The following CA13 variants were observed in gnomAD, a reference collection of about 807,000 sequenced individuals.
The protein encoded by CA13 is carbonic anhydrase 13, also known as CA-XIII.
CA13 carries 21 observed loss-of-function variants against 31.5 expected under a neutral mutation model. The observed-to-expected ratio is 0.67, with a 90% CI of 0.47 to 0.96. The LOEUF (loss-of-function observed/expected upper bound fraction) is 0.96. CA13 is among the 40% of genes least tolerant of loss of function. The probability of loss-of-function intolerance (pLI) is 0.00; values close to 1 mark genes in which losing one functional copy is unlikely to be tolerated. For missense variants in CA13, 315 were observed against 318.9 expected, an observed-to-expected ratio of 0.99 and a Z score of 0.09; for synonymous variants, 117 against 111.4, an observed-to-expected ratio of 1.05 and a Z score of -0.32.
chr8:85,279,514 T>C (rs555415608), intron 6 of CA13, among the ~76,000 whole-genome samples: 28 of 152,230 alleles, frequency 1.8e-4, no homozygotes, highest in African/African-American at 6.5e-4. Flanking sequence ...CACAGGCTGG[T>C]CGGAGAAAGA....
At chr8:85,252,223 C>T (rs148776883) in intron 2 of CA13, among the ~76,000 whole-genome samples, 261 of 152,026 alleles carry the variant, frequency 1.7e-3, no homozygotes, top group Non-Finnish European at 2.9e-3. Context: ...TGCCACTGTA[C>T]TCAGCCTGGG....
intron 2 of CA13, 73 bp from the exon 3 acceptor site, chr8:85,259,348 G>A (rs1000104442): frequency 3.4e-6 from 4 of 1,169,326 alleles, no homozygotes; most frequent in South Asian, 1.2e-5. Context: ...GTAATTCAGG[G>A]AGATGTTGTG....
intron 6 of CA13, among the ~76,000 whole-genome samples, chr8:85,277,170 TG>T (rs1807624261): frequency 6.6e-6 from 1 of 152,168 alleles, no homozygotes; most frequent in Non-Finnish European, 1.5e-5. Flanking sequence ...TTCCACACCG[TG>T]GAAGCTCTGT....
chr8:85,281,289 G>A lies in CA13; in HGVS notation c.729G>A (p.Val243=). The change falls in exon 7 of 7, where the codon GTG becomes GTA. Residue 243 remains valine (V), a synonymous_variant. Coordinates refer to ENST00000321764, the MANE Select transcript of CA13 (RefSeq NM_198584.3). ...TAEGEAAAFL[V]SNHRPPQPLK... ...AGGGTGAAGCAGCAGCTTTTCTGGT[G>A]AGCAATCACCGCCCACCACAGCCTC... 7 of 1,614,010 alleles carry A rather than the reference G, an allele frequency of 4.3e-6. No homozygotes were observed. Among genetic ancestry groups the A allele is most frequent in the Non-Finnish European group, 5.9e-6 (7 of 1,179,986 alleles).
In CA13 at chr8:85,281,324, G is replaced by T. The variant is rs749539090; in HGVS notation, c.764G>T (p.Arg255Leu). The change falls in exon 7 of 7, where the codon CGC becomes CTC. Residue 255 changes from arginine to leucine, a missense_variant. Transcript: ENST00000321764. ...NHRPPQPLKG[R>L]KVRASFH ...CGCCCACCACAGCCTCTAAAGGGCCGCAAAGTGAGAGCCTCTTTCCATTAA... is the reference window on the plus strand; with the variant it reads ...CGCCCACCACAGCCTCTAAAGGGCCTCAAAGTGAGAGCCTCTTTCCATTAA... 1.9e-6 allele frequency: 3 copies of T among 1,613,746 alleles called. No individual in the cohort carries two copies. The highest frequency in any genetic ancestry group is 1.1e-5 in the South Asian group (1 of 91,066).
chr8:85,258,055 G>C (rs982088816), intron 2 of CA13, among the ~76,000 whole-genome samples: 1 of 149,746 alleles, frequency 6.7e-6, no homozygotes, highest in African/African-American at 2.4e-5. Flanking sequence ...ATAATAAGAT[G>C]GGGCCTTGCT....
rs574695529 is a variant in CA13, at chr8:85,246,739, G to T, written c.37+874G>T. 1.2e-4 allele frequency among the ~76,000 whole-genome samples: 19 copies of T among 152,158 alleles called. 1 individual carries two copies. In the South Asian group the frequency reaches 3.1e-3, roughly 25 times the overall value. On this transcript the variant is annotated intron_variant, in intron 1 of 6. Coordinates refer to ENST00000321764, the MANE Select transcript of CA13 (RefSeq NM_198584.3). The stretch of plus-strand genomic sequence containing the variant: ...CGCAGTGACACCAAAAAGCCTTATA[G>T]TGAATAACTGTCAAAATTAAGGCTT...
chr8:85,255,252 C>G (rs1234993228), intron 2 of CA13, among the ~76,000 whole-genome samples: 2 of 151,488 alleles, frequency 1.3e-5, no homozygotes, highest in Non-Finnish European at 2.9e-5. Context: ...ACTACCATGC[C>G]TAGCTCATGA....
At chr8:85,272,665 GC>G (rs1369446042) in intron 6 of CA13, among the ~76,000 whole-genome samples, 1 of 151,938 alleles carries the variant, frequency 6.6e-6, no homozygotes, top group Non-Finnish European at 1.5e-5. Flanking sequence ...TTAATTTTTG[GC>G]CATTATGAAT....
chr8:85,252,675 T>C (rs1028465502), intron 2 of CA13, among the ~76,000 whole-genome samples: 2 of 152,230 alleles, frequency 1.3e-5, no homozygotes, highest in Non-Finnish European at 2.9e-5. Flanking sequence ...AGAATCATAT[T>C]TGGAAACACT....
chr8:85,272,606 T>A, intron 6 of CA13, among the ~76,000 whole-genome samples: 1 of 152,198 alleles, frequency 6.6e-6, no homozygotes, highest in East Asian at 1.9e-4. Flanking sequence ...ATGGATATAT[T>A]ATATTTTTAA....
At chr8:85,277,126 C>G (rs567670198) in intron 6 of CA13, among the ~76,000 whole-genome samples, 3 of 152,136 alleles carry the variant, frequency 2.0e-5, no homozygotes, top group African/African-American at 7.2e-5. Context: ...AAGCAGGCTG[C>G]GGGAGCCAGC....
intron 6 of CA13, among the ~76,000 whole-genome samples, chr8:85,272,016 C>T (rs1489374804): frequency 1.3e-5 from 2 of 152,026 alleles, no homozygotes; most frequent in Non-Finnish European, 2.9e-5. Context: ...TGAAGTGAGC[C>T]CATATTGCGC....
chr8:85,280,334 G>T (rs1227928532), intron 6 of CA13, among the ~76,000 whole-genome samples: 1 of 152,132 alleles, frequency 6.6e-6, no homozygotes, highest in African/African-American at 2.4e-5. Context: ...ATGGTTGCTT[G>T]TATGTATGAT....
intron 1 of CA13, among the ~76,000 whole-genome samples, chr8:85,248,027 A>G (rs1813761154): frequency 6.6e-6 from 1 of 152,222 alleles, no homozygotes; most frequent in Non-Finnish European, 1.5e-5. Context: ...CTTCACAAAT[A>G]ACTTAGGATT....
chr8:85,279,775 A>G (rs1055663228), intron 6 of CA13, among the ~76,000 whole-genome samples: 17 of 152,164 alleles, frequency 1.1e-4, no homozygotes, highest in African/African-American at 3.6e-4. Context: ...ACCACTCCAG[A>G]CAGACCTGGA....
At chr8:85,261,178 T>C (rs144294727) in intron 3 of CA13, among the ~76,000 whole-genome samples, 1,760 of 152,308 alleles carry the variant, frequency 0.012, 30 homozygotes, top group South Asian at 0.069. Flanking sequence ...GGTTCACTTA[T>C]GTATTTATAA....
In CA13 at chr8:85,283,908, G is replaced by A. The variant is rs186696176; in HGVS notation, c.*2559G>A. ...TTCTAGAGGCAAAAGGTTTAAATGTGTTAAAATGGTTATATTGCCTCCTTT... is the reference window on the plus strand; with the variant it reads ...TTCTAGAGGCAAAAGGTTTAAATGTATTAAAATGGTTATATTGCCTCCTTT... On this transcript the variant is annotated 3_prime_UTR_variant, in exon 7 of 7. Transcript: ENST00000321764. The A allele has an allele frequency of 6.6e-6, 1 of 152,294 alleles. No homozygotes were observed. The highest frequency in any genetic ancestry group is 1.9e-4 in the East Asian group (1 of 5,184). 9.4% of individuals were successfully genotyped at this position (152,294 alleles called of 1,614,324 possible).
intron 2 of CA13, 33 bp downstream of exon 2, chr8:85,250,970 G>A: frequency 6.6e-7 from 1 of 1,518,202 alleles, no homozygotes; most frequent in Non-Finnish European, 9.1e-7. Flanking sequence ...GTGTGGTGGT[G>A]GATGAAGGGT....
Sources: gnomAD v4.1 joint callset for allele counts (sites outside exome capture counted in the v4.1 genomes callset) on GRCh38, gnomAD v4.1.1 for gene constraint, MANE v1.5 for transcripts, NCBI Gene and HGNC (gene_info 2026-07-23, HGNC 2026-07-21) for gene names.